The following CPNE4 variants were observed in gnomAD, a reference collection of about 807,000 sequenced individuals.
The protein encoded by CPNE4 is copine 4.
A neutral mutation model predicts 67.9 loss-of-function variants in CPNE4; 25 were observed. That is an observed-to-expected ratio of 0.37 (90% CI 0.27 to 0.51). The LOEUF is 0.51. Ranked by LOEUF, CPNE4 falls within the 20% of genes least tolerant of loss-of-function variation. The pLI, the probability that CPNE4 is intolerant of heterozygous loss-of-function variation, is 0.93. For missense variants in CPNE4, 464 were observed against 690.8 expected (o/e 0.67, Z 3.68); for synonymous variants, 242 against 244.9 (o/e 0.99, Z 0.11).
chr3:132,036,592 A>C (rs975580176), upstream of CPNE4, among the ~76,000 whole-genome samples: 36 of 152,368 alleles, frequency 2.4e-4, no homozygotes, highest in African/African-American at 8.4e-4. Flanking sequence ...AGATAAACTC[A>C]AAATTTGAAT....
chr3:131,701,252 A>T (rs2081293536), intron 3 of CPNE4, among the ~76,000 whole-genome samples: 1 of 152,076 alleles, frequency 6.6e-6, no homozygotes, highest in African/African-American at 2.4e-5. Context: ...ATTAAGAAAA[A>T]AAAAAGAACC....
intron 10 of CPNE4, among the ~76,000 whole-genome samples, chr3:131,573,602 G>A (rs1302146710): frequency 6.6e-6 from 1 of 152,070 alleles, no homozygotes; most frequent in East Asian, 1.9e-4. Context: ...AATCAATAGA[G>A]CTTTCCCTTG....
intron 1 of CPNE4, among the ~76,000 whole-genome samples, chr3:131,912,467 T>C (rs535437237): frequency 6.6e-6 from 1 of 152,152 alleles, no homozygotes; most frequent in Non-Finnish European, 1.5e-5. Context: ...CAGGGAAGGC[T>C]AGGGTGCTGG....
chr3:131,842,746 A>AAAAAAAAAAAAAAAG (rs1553784371), intron 2 of CPNE4, among the ~76,000 whole-genome samples: 1 of 149,702 alleles, frequency 6.7e-6, no homozygotes, highest in Non-Finnish European at 1.5e-5. Context: ...AAAAAAAAAA[A>AAAAAAAAAAAAAAAG]AAAGAAAAAG....
chr3:131,710,908 C>A (rs2081541959), intron 3 of CPNE4, among the ~76,000 whole-genome samples: 1 of 152,082 alleles, frequency 6.6e-6, no homozygotes. Context: ...AGGTGTTAAG[C>A]CCTTCCTTTG....
chr3:132,010,653 A>T (rs1199982243), intron 1 of CPNE4, among the ~76,000 whole-genome samples: 2 of 152,158 alleles, frequency 1.3e-5, no homozygotes, highest in African/African-American at 4.8e-5. Context: ...TTGTCGATAC[A>T]TGATACTTAG....
chr3:131,736,611 CAAAAAAAAAA>C (rs71136406), intron 2 of CPNE4, among the ~76,000 whole-genome samples: 169 of 82,140 alleles, frequency 2.1e-3, no homozygotes, highest in Non-Finnish European at 3.2e-3. Context: ...AAGACTGTCT[CAAAAAAAAAA>C]AAAAAAAAAA....
rs957855234 is a variant in CPNE4, at chr3:131,738,635, G to A, written c.181-15010C>T. Among the ~76,000 whole-genome samples the A allele has an allele frequency of 6.6e-5, 10 of 151,686 alleles. No homozygotes were observed. The East Asian group carries it at 7.7e-4, about 12-fold the overall frequency. On this transcript the variant is annotated intron_variant, in intron 2 of 15. Transcript: ENST00000429747. ...GGTTTTGTGGGTTTTTTGTTTGTTC[G>A]TTTTTGTTTGTTTGTTTTTTTCTGG...
At position 131,760,657 on chromosome 3, in the gene CPNE4, A is replaced by G. The variant is rs1020504313; in HGVS notation, c.181-37032T>C. Among the ~76,000 whole-genome samples the G allele has an allele frequency of 3.0e-4, 45 of 152,276 alleles. 1 individual carries two copies. The highest frequency in any genetic ancestry group is 1.1e-3 in the African/African-American group (44 of 41,568). On this transcript the variant is annotated intron_variant, in intron 2 of 15. Transcript: ENST00000429747. ...ATTTGCATTTTCATTAGATGAGATA[A>G]ATCATTTTGCTATTGAGGATGATTT... is the stretch of plus-strand genomic sequence containing the variant.
chr3:131,905,647 C>T (rs778645926), intron 1 of CPNE4, among the ~76,000 whole-genome samples: 2 of 152,150 alleles, frequency 1.3e-5, no homozygotes, highest in African/African-American at 4.8e-5. Flanking sequence ...ACAGGTGCTG[C>T]TGCACTTGGT....
rs566478713 is a variant in CPNE4 at position 131,862,007 on chromosome 3, A to G, written c.180+43257T>C. ...GACATCATCTCCCTACTCAGGATTA[A>G]GCAGAATTTATTCAAGTCCCAGTAG... On this transcript the variant is annotated intron_variant, in intron 2 of 15. Coordinates refer to ENST00000429747, the MANE Select transcript of CPNE4 (RefSeq NM_130808.3). 3.3e-5 allele frequency among the ~76,000 whole-genome samples: 5 copies of G among 152,330 alleles called. No homozygotes were observed. The South Asian group carries it at 1.0e-3, about 32-fold the overall frequency.
chr3:131,587,116 T>G (rs1361248135), intron 8 of CPNE4, among the ~76,000 whole-genome samples: 1 of 152,180 alleles, frequency 6.6e-6, no homozygotes, highest in Non-Finnish European at 1.5e-5. Context: ...CATTTAATCT[T>G]CACAAAATTC....
chr3:131,755,054 C>T (rs976777872), intron 2 of CPNE4, among the ~76,000 whole-genome samples: 1 of 151,788 alleles, frequency 6.6e-6, no homozygotes, highest in Non-Finnish European at 1.5e-5. Flanking sequence ...TGAACACATT[C>T]CTATATTATA....
At chr3:131,915,813 ATTGATG>A (rs1039576042) in intron 1 of CPNE4, among the ~76,000 whole-genome samples, 23 of 152,184 alleles carry the variant, frequency 1.5e-4, no homozygotes, top group Non-Finnish European at 1.3e-4. Context: ...AATCAGATAC[ATTGATG>A]TTCTTAGGAA....
intron 2 of CPNE4, among the ~76,000 whole-genome samples, chr3:131,896,409 A>T (rs1174656307): frequency 6.6e-6 from 1 of 152,116 alleles, no homozygotes; most frequent in African/African-American, 2.4e-5. Context: ...AAATGAAACC[A>T]AACTAATAGC....
At chr3:131,617,367 T>C (rs1940209820) in intron 7 of CPNE4, among the ~76,000 whole-genome samples, 1 of 152,198 alleles carries the variant, frequency 6.6e-6, no homozygotes, top group East Asian at 1.9e-4. Flanking sequence ...GGGCTGTTTC[T>C]AATAGCTCTA....
chr3:131,701,420 T>TA (rs1172277796), intron 3 of CPNE4, among the ~76,000 whole-genome samples: 1 of 152,144 alleles, frequency 6.6e-6, no homozygotes, highest in Non-Finnish European at 1.5e-5. Flanking sequence ...GACTTGCTTC[T>TA]AAAAAATAGA....
chr3:131,718,397 A>T (rs1299870153), intron 3 of CPNE4, among the ~76,000 whole-genome samples: 1 of 152,168 alleles, frequency 6.6e-6, no homozygotes, highest in Admixed American at 6.6e-5. Flanking sequence ...AAGCATCAGG[A>T]CCAGGCTTTT....
chr3:131,976,129 C>G (rs2072647381), intron 1 of CPNE4, among the ~76,000 whole-genome samples: 1 of 148,856 alleles, frequency 6.7e-6, no homozygotes, highest in Non-Finnish European at 1.5e-5. Context: ...TTCTCCCTCC[C>G]TCAACCTCCT....
Sources: gnomAD v4.1 joint callset for allele counts (sites outside exome capture counted in the v4.1 genomes callset) on GRCh38, gnomAD v4.1.1 for gene constraint, MANE v1.5 for transcripts, NCBI Gene and HGNC (gene_info 2026-07-23, HGNC 2026-07-21) for gene names.